NAGK: variants seen among roughly 807,000 people sequenced by gnomAD.
NAGK encodes N-acetylglucosamine kinase.
Under a neutral mutation model 42.9 loss-of-function variants are expected in NAGK, and 35 were observed. The observed-to-expected ratio is 0.82, with a 90% CI of 0.62 to 1.08. NAGK has a LOEUF of 1.08. Ranked by LOEUF, NAGK falls within the 50% of genes least tolerant of loss-of-function variation. The pLI, the probability that NAGK is intolerant of heterozygous loss-of-function variation, is 0.00. For missense variants in NAGK, 446 were observed against 446.0 expected (o/e 1.00, Z 0.00); for synonymous variants, 172 against 176.0 (o/e 0.98, Z 0.18).
At chr2:71,075,694 C>A in intron 7 of NAGK, 52 bp downstream of exon 7, 1 of 1,523,584 alleles carries the variant, frequency 6.6e-7, no homozygotes, top group Non-Finnish European at 9.1e-7. Context: ...CAAAGATCCC[C>A]AGTTGGGAGA....
chr2:71,076,108 T>C, intron 7 of NAGK: 1 of 186,844 alleles, frequency 5.4e-6, no homozygotes, highest in Non-Finnish European at 1.1e-5. Flanking sequence ...TCCTGCAGCC[T>C]CAGGGCATTC....
chr2:71,069,021 T>G (rs1352181364), intron 1 of NAGK: 3 of 1,134,986 alleles, frequency 2.6e-6, no homozygotes, highest in African/African-American at 1.6e-5. Flanking sequence ...TCCTTTTTCC[T>G]ATTCCTGACC....
At chr2:71,078,247 T>C in intron 9 of NAGK, 71 bp from the exon 10 acceptor site, 8 of 1,499,522 alleles carry the variant, frequency 5.3e-6, no homozygotes, top group Non-Finnish European at 7.4e-6. Context: ...CGTCCTTGTC[T>C]GTCTTCCTTC....
At chr2:71,074,702 G>A (rs1290746443) in intron 6 of NAGK, 1 of 152,230 alleles carries the variant, frequency 6.6e-6, no homozygotes, top group Non-Finnish European at 1.5e-5. Flanking sequence ...ATCACTTGAG[G>A]TCAGGTGTTC....
At chr2:71,070,095 C>A in intron 1 of NAGK, 1 of 198,420 alleles carries the variant, frequency 5.0e-6, no homozygotes, top group Non-Finnish European at 1.1e-5. Context: ...GAGCTTGACC[C>A]AGTGGAGCTT....
In NAGK at chr2:71,070,729, G is replaced by C. The variant is rs769358270; in HGVS notation, c.115-12G>C. 2 of 1,614,212 alleles carry C rather than the reference G, an allele frequency of 1.2e-6. No individual in the cohort carries two copies. The highest frequency in any genetic ancestry group is 1.7e-6 in the Non-Finnish European group (2 of 1,180,036). On this transcript the variant is annotated splice_polypyrimidine_tract_variant and intron_variant, in intron 2 of 9. Transcript: ENST00000244204. The stretch of plus-strand genomic sequence containing the variant: ...AGCCTTTGTAACTCCTTCTTCCCTT[G>C]ATTGGGGCCAGCTGATCGGGACAGA...
intron 7 of NAGK, chr2:71,075,893 G>T (rs754297669): frequency 2.2e-4 from 112 of 519,380 alleles, no homozygotes; most frequent in Non-Finnish European, 3.5e-4. Flanking sequence ...TAGGCTGTAT[G>T]CCTGTTTCTG....
intron 4 of NAGK, 169 bp from the exon 5 acceptor site, chr2:71,072,472 A>G (rs987191646): frequency 5.2e-6 from 3 of 579,146 alleles, no homozygotes; most frequent in African/African-American, 3.8e-5. Flanking sequence ...TCTGAGACCC[A>G]GGCTCTCACC....
rs1267323057 is a variant in NAGK, at chr2:71,073,483, C to G, written c.468C>G (p.Ala156=). The change falls in exon 6 of 10, where the codon GCC becomes GCG. Residue 156 remains alanine (A), a splice_region_variant and synonymous_variant. Coordinates refer to ENST00000244204, the MANE Select transcript of NAGK (RefSeq NM_017567.6). ...CTTAGCCCTCTCTGCTCCCTGCAGC[C>G]TACTGGATCGCACACCAAGCAGTGA... ...WGHMMGDEGS[A]YWIAHQAVKI... The G allele has an allele frequency of 6.2e-7, 1 of 1,612,230 alleles. No individual in the cohort carries two copies. Among genetic ancestry groups the G allele is most frequent in the Non-Finnish European group, 8.5e-7 (1 of 1,178,228 alleles).
In NAGK at chr2:71,072,769, C is replaced by CCCAGCT; in HGVS notation, c.466+23_466+28dup. ...GGGTTCAGGTGAGCTCACTGACTGG[C>CCCAGCT]CCAGCTCCAGGTCCTGGATCTGCTC... On this transcript the variant is annotated intron_variant, in intron 5 of 9. Transcript: ENST00000244204. The CCCAGCT allele has an allele frequency of 1.3e-6, 2 of 1,598,144 alleles. No individual in the cohort carries two copies. The highest frequency in any genetic ancestry group is 8.6e-7 in the Non-Finnish European group (1 of 1,166,352).
intron 6 of NAGK, chr2:71,074,575 T>C (rs192855397): frequency 6.6e-6 from 1 of 152,334 alleles, no homozygotes; most frequent in East Asian, 1.9e-4. Flanking sequence ...TACATTGCTG[T>C]AGGTGCTCAA....
In NAGK at chr2:71,071,722, G is replaced by A. The variant is rs571170804; in HGVS notation, c.250G>A (p.Gly84Arg). The change falls in exon 4 of 10, where the codon GGG becomes AGG. Residue 84 changes from glycine (G) to arginine (R), a missense_variant. Transcript: ENST00000244204. ...GAGCGGTGGGGACCAGGAGGACGCG[G>A]GGAGGATCCTGATCGAGGAGCTGAG... is the stretch of plus-strand genomic sequence containing the variant. ...SLSGGDQEDA[G>R]RILIEELRDR... 10 of 1,614,036 alleles carry A rather than the reference G, an allele frequency of 6.2e-6. No individual in the cohort carries two copies. In the Admixed American group the frequency reaches 1.7e-4, roughly 27 times the overall value.
At chr2:71,070,696 C>T in intron 2 of NAGK, 45 bp from the exon 3 acceptor site, 1 of 1,612,346 alleles carries the variant, frequency 6.2e-7, no homozygotes. Flanking sequence ...GGCAACATAG[C>T]TTCTGTAAGC....
At chr2:71,070,453 C>T (rs771013699) in intron 1 of NAGK, 49 bp from the exon 2 acceptor site, 1 of 1,524,302 alleles carries the variant, frequency 6.6e-7, no homozygotes, top group Non-Finnish European at 9.1e-7. Context: ...GCTTAGCTCT[C>T]TCTGTGGGTT....
intron 3 of NAGK, 121 bp from the exon 4 acceptor site, chr2:71,071,565 C>T (rs1053834907): frequency 3.7e-6 from 5 of 1,340,380 alleles, no homozygotes; most frequent in South Asian, 3.0e-5. Flanking sequence ...AGGACTGGGG[C>T]TGGGTGAACA....
At chr2:71,073,418 G>A (rs1386153434) in intron 5 of NAGK, 64 bp from the exon 6 acceptor site, 2 of 1,151,694 alleles carry the variant, frequency 1.7e-6, no homozygotes, top group African/African-American at 3.1e-5. Flanking sequence ...CTGGATCTGA[G>A]TTTCCCTCCT....
At chr2:71,068,457 G>T, upstream of NAGK, 1 of 1,382,780 alleles carries the variant, frequency 7.2e-7, no homozygotes, top group Non-Finnish European at 9.3e-7. Flanking sequence ...GCTGCGGACC[G>T]CAGTCGCTCC....
chr2:71,071,641 T>C, intron 3 of NAGK, 45 bp from the exon 4 acceptor site: 1 of 1,567,988 alleles, frequency 6.4e-7, no homozygotes, highest in Non-Finnish European at 8.7e-7. Flanking sequence ...AGAAAAGAGC[T>C]GGGGCTGGGG....
At chr2:71,072,794 C>A in intron 5 of NAGK, 43 bp downstream of exon 5, 1 of 1,522,816 alleles carries the variant, frequency 6.6e-7, no homozygotes, top group South Asian at 1.1e-5. Context: ...TGGATCTGCT[C>A]CTTCCTTCAC....
Sources: allele counts gnomAD v4.1 joint callset, GRCh38; gene constraint gnomAD v4.1.1; transcripts MANE v1.5; gene names NCBI Gene and HGNC (gene_info 2026-07-23, HGNC 2026-07-21).